The following NEDD4L variants were observed in gnomAD, a reference collection of about 807,000 sequenced individuals.
NEDD4L encodes NEDD4 like E3 ubiquitin protein ligase, also known as E3 ubiquitin-protein ligase NEDD4-like.
A neutral mutation model predicts 148.9 loss-of-function variants in NEDD4L; 54 were observed. The observed-to-expected ratio is 0.36, with a 90% confidence interval of 0.29 to 0.45. The LOEUF is 0.45. Among genes scored for constraint, NEDD4L ranks in the 20% least tolerant of loss-of-function variants. The probability of loss-of-function intolerance (pLI) is 1.00; values close to 1 mark genes in which losing one functional copy is unlikely to be tolerated. For synonymous variants in NEDD4L, 433 were observed against 440.7 expected (o/e 0.98, Z 0.22); for missense variants, 856 against 1,233.8 (o/e 0.69, Z 4.59).
chr18:58,234,700 C>T (rs935965260), intron 2 of NEDD4L, among the ~76,000 whole-genome samples: 2 of 152,156 alleles, frequency 1.3e-5, no homozygotes, highest in African/African-American at 2.4e-5. Flanking sequence ...TTCTGAAATA[C>T]TGGGGGAACA....
At position 58,134,201 on chromosome 18, in the gene NEDD4L, ATGTTGGCCAGGCT is replaced by A. The variant is rs577461481; in HGVS notation, c.49-31586_49-31574del. Among the ~76,000 whole-genome samples, 858 of 151,936 alleles carry A rather than the reference ATGTTGGCCAGGCT, an allele frequency of 5.6e-3. 3 individuals are homozygous for A. Among genetic ancestry groups the A allele is most frequent in the African/African-American group, 0.015 (631 of 41,448 alleles). On this transcript the variant is annotated intron_variant, in intron 1 of 30. Transcript: ENST00000400345. ...TTTTTAGTAGAGACGGGGTTTCACCATGTTGGCCAGGCTGGTCTCAAACTCCTGGCCTCAGGTG... is the reference window on the plus strand; with the variant it reads ...TTTTTAGTAGAGACGGGGTTTCACCAGGTCTCAAACTCCTGGCCTCAGGTG...
chr18:58,242,232 G>A (rs73961536), intron 2 of NEDD4L, among the ~76,000 whole-genome samples: 1,667 of 152,306 alleles, frequency 0.011, 35 homozygotes, highest in African/African-American at 0.037. Flanking sequence ...AACCTCACAC[G>A]TCTCCTAAGA....
intron 1 of NEDD4L, among the ~76,000 whole-genome samples, chr18:58,075,122 T>G (rs148451589): frequency 2.6e-4 from 39 of 152,312 alleles, no homozygotes; most frequent in Non-Finnish European, 4.9e-4. Context: ...ATGATGGAGT[T>G]TTAGGACCAG....
intron 2 of NEDD4L, among the ~76,000 whole-genome samples, chr18:58,188,276 C>G (rs12326982): frequency 0.32 from 49,169 of 152,128 alleles, 8,049 homozygotes; most frequent in East Asian, 0.38. Context: ...GCATACAGAA[C>G]ATAGGGCTCA....
intron 5 of NEDD4L, among the ~76,000 whole-genome samples, chr18:58,264,393 T>C (rs1366509985): frequency 6.6e-6 from 1 of 152,090 alleles, no homozygotes; most frequent in African/African-American, 2.4e-5. Context: ...TTTTTAAATG[T>C]TAGATTCACA....
chr18:58,275,174 A>G (rs1600559779), intron 5 of NEDD4L, among the ~76,000 whole-genome samples: 1 of 152,032 alleles, frequency 6.6e-6, no homozygotes, highest in East Asian at 1.9e-4. Context: ...TAAAAATTAA[A>G]TACTGTGTTC....
chr18:58,239,837 AG>A (rs1390250763), intron 2 of NEDD4L, among the ~76,000 whole-genome samples: 1 of 152,230 alleles, frequency 6.6e-6, no homozygotes, highest in Non-Finnish European at 1.5e-5. Context: ...AACCCATTTG[AG>A]ATCAGTGCAG....
intron 2 of NEDD4L, among the ~76,000 whole-genome samples, 198 bp downstream of exon 2, chr18:58,166,059 T>TA (rs1363548355): frequency 6.6e-6 from 1 of 152,226 alleles, no homozygotes; most frequent in Non-Finnish European, 1.5e-5. Context: ...CTTCTGGACT[T>TA]ACCATCACAA....
intron 16 of NEDD4L, among the ~76,000 whole-genome samples, chr18:58,344,645 G>T (rs1385042939): frequency 1.3e-5 from 2 of 152,196 alleles, no homozygotes; most frequent in Non-Finnish European, 2.9e-5. Flanking sequence ...CTAGTCTGAA[G>T]ATAATGTTAC....
intron 1 of NEDD4L, chr18:58,054,608 G>C (rs1895517700): frequency 6.1e-6 from 1 of 164,432 alleles, no homozygotes; most frequent in African/African-American, 2.4e-5. Context: ...AAAAGAAAAA[G>C]AAAAAGCAAG....
chr18:58,315,797 G>C (rs1443695382), intron 5 of NEDD4L, among the ~76,000 whole-genome samples, 185 bp from the exon 6 acceptor site: 1 of 152,208 alleles, frequency 6.6e-6, no homozygotes, highest in Non-Finnish European at 1.5e-5. Context: ...AGCCAGCTCA[G>C]TCCAGGCGCA....
At chr18:58,392,240 C>T (rs1382018670) in intron 30 of NEDD4L, among the ~76,000 whole-genome samples, 1 of 152,212 alleles carries the variant, frequency 6.6e-6, no homozygotes, top group African/African-American at 2.4e-5. Context: ...TCCCATGTCC[C>T]TCGTGTTGGT....
At chr18:58,395,449 G>T (rs542485645) in intron 30 of NEDD4L, among the ~76,000 whole-genome samples, 1 of 152,280 alleles carries the variant, frequency 6.6e-6, no homozygotes, top group East Asian at 1.9e-4. Context: ...CCATCCATTT[G>T]TCTGAAAACC....
intron 11 of NEDD4L, among the ~76,000 whole-genome samples, chr18:58,332,047 T>C (rs1395333440): frequency 6.6e-6 from 1 of 152,182 alleles, no homozygotes. Flanking sequence ...AAAACTGTTG[T>C]TATAGAAACA....
chr18:58,185,561 T>C (rs1403364744), intron 2 of NEDD4L, among the ~76,000 whole-genome samples: 1 of 152,168 alleles, frequency 6.6e-6, no homozygotes, highest in Non-Finnish European at 1.5e-5. Flanking sequence ...CTCTAGCTAT[T>C]TGGAAATATG....
intron 5 of NEDD4L, among the ~76,000 whole-genome samples, 197 bp downstream of exon 5, chr18:58,252,251 A>G (rs2048024594): frequency 6.6e-6 from 1 of 152,224 alleles, no homozygotes; most frequent in African/African-American, 2.4e-5. Flanking sequence ...TAAAAAATGT[A>G]TTTGTATGTG....
rs561028991 is a variant in NEDD4L at position 58,085,165 on chromosome 18, C to T, written c.48+40457C>T. On this transcript the variant is annotated intron_variant, in intron 1 of 30. Coordinates refer to ENST00000400345, the MANE Select transcript of NEDD4L (RefSeq NM_001144967.3). ...CATTCTGAGGTAGTGAAGGTTAAGG[C>T]TCCAATGTGAATTCTGGGGGAACAT... Among the ~76,000 whole-genome samples the T allele has an allele frequency of 4.6e-5, 7 of 152,346 alleles. No homozygotes were observed. In the South Asian group the frequency reaches 1.2e-3, roughly 27 times the overall value.
chr18:58,232,587 A>C (rs961955255), intron 2 of NEDD4L, among the ~76,000 whole-genome samples: 1 of 152,230 alleles, frequency 6.6e-6, no homozygotes, highest in African/African-American at 2.4e-5. Flanking sequence ...CGGAGAAAAT[A>C]CATATCCTAT....
At chr18:58,169,941 T>C (rs2037361496) in intron 2 of NEDD4L, among the ~76,000 whole-genome samples, 1 of 152,250 alleles carries the variant, frequency 6.6e-6, no homozygotes, top group Admixed American at 6.5e-5. Context: ...CTTAGAATTG[T>C]TTCTTTCTCC....
Sources: gnomAD v4.1 joint callset for allele counts (sites outside exome capture counted in the v4.1 genomes callset) on GRCh38, gnomAD v4.1.1 for gene constraint, MANE v1.5 for transcripts, NCBI Gene and HGNC (gene_info 2026-07-23, HGNC 2026-07-21) for gene names.